ARHGAP15: variants seen among roughly 807,000 people sequenced by gnomAD.
ARHGAP15 encodes the protein rho GTPase-activating protein 15.
Under a neutral mutation model 63.7 loss-of-function variants are expected in ARHGAP15, and 51 were observed. That is an observed-to-expected ratio of 0.80 (90% confidence interval 0.64 to 1.01). The LOEUF is 1.01. Ranked by LOEUF, ARHGAP15 falls within the 50% of genes least tolerant of loss-of-function variation. The pLI is 0.00. For missense variants in ARHGAP15, 560 were observed against 564.6 expected (o/e 0.99, Z 0.08); for synonymous variants, 191 against 193.8 (o/e 0.99, Z 0.12).
chr2:143,160,830 G>A (rs546173576), intron 2 of ARHGAP15, among the ~76,000 whole-genome samples: 1 of 151,982 alleles, frequency 6.6e-6, no homozygotes, highest in Non-Finnish European at 1.5e-5. Context: ...AGCACAAATT[G>A]GACTTGCCAA....
At chr2:143,609,616 T>C (rs1319757757) in intron 11 of ARHGAP15, among the ~76,000 whole-genome samples, 1 of 152,116 alleles carries the variant, frequency 6.6e-6, no homozygotes. Flanking sequence ...AATATTTCTC[T>C]AGGCATTTGC....
intron 6 of ARHGAP15, among the ~76,000 whole-genome samples, chr2:143,405,362 G>T (rs1268881588): frequency 2.7e-5 from 4 of 146,138 alleles, no homozygotes; most frequent in Non-Finnish European, 4.5e-5. Context: ...TTATTTTTTT[G>T]ATTTCCCCTC....
intron 1 of ARHGAP15, among the ~76,000 whole-genome samples, chr2:143,148,096 C>T (rs182750162): frequency 4.2e-4 from 64 of 152,140 alleles, no homozygotes; most frequent in African/African-American, 1.5e-3. Flanking sequence ...TCCCACTTAG[C>T]CACCAACACT....
At chr2:143,465,097 C>T (rs888716759) in intron 8 of ARHGAP15, among the ~76,000 whole-genome samples, 3 of 152,154 alleles carry the variant, frequency 2.0e-5, no homozygotes, top group Admixed American at 2.0e-4. Flanking sequence ...TAACCCATTG[C>T]TATTTTCTTT....
intron 8 of ARHGAP15, among the ~76,000 whole-genome samples, chr2:143,441,416 G>A (rs1308987165): frequency 6.6e-6 from 1 of 152,106 alleles, no homozygotes; most frequent in Non-Finnish European, 1.5e-5. Flanking sequence ...AGAAAAGCAT[G>A]CCATTCAGAA....
At chr2:143,727,588 A>G (rs1685338589) in intron 13 of ARHGAP15, among the ~76,000 whole-genome samples, 1 of 152,208 alleles carries the variant, frequency 6.6e-6, no homozygotes, top group Non-Finnish European at 1.5e-5. Flanking sequence ...GGATGGCTAC[A>G]TAGATATACT....
At chr2:143,265,650 G>T (rs1306261058) in intron 6 of ARHGAP15, among the ~76,000 whole-genome samples, 1 of 152,068 alleles carries the variant, frequency 6.6e-6, no homozygotes, top group Non-Finnish European at 1.5e-5. Flanking sequence ...TTATTATTTT[G>T]GAGAGTTTTC....
At chr2:143,493,168 T>C (rs892585110) in intron 9 of ARHGAP15, among the ~76,000 whole-genome samples, 1 of 152,210 alleles carries the variant, frequency 6.6e-6, no homozygotes, top group African/African-American at 2.4e-5. Flanking sequence ...CCTGTACTTA[T>C]AATATCACAA....
chr2:143,391,085 G>A (rs1687518879), intron 6 of ARHGAP15, among the ~76,000 whole-genome samples: 1 of 152,156 alleles, frequency 6.6e-6, no homozygotes, highest in South Asian at 2.1e-4. Flanking sequence ...AGGTAAAGAA[G>A]GGCATAGAAA....
intron 11 of ARHGAP15, among the ~76,000 whole-genome samples, chr2:143,571,615 G>T (rs568981934): frequency 6.6e-6 from 1 of 152,214 alleles, no homozygotes; most frequent in East Asian, 1.9e-4. Flanking sequence ...ATAGCAGCAG[G>T]TATTGGTGGC....
At chr2:143,291,617 T>C (rs938787813) in intron 6 of ARHGAP15, among the ~76,000 whole-genome samples, 5 of 152,114 alleles carry the variant, frequency 3.3e-5, no homozygotes, top group African/African-American at 9.7e-5. Context: ...TGCTGGTAGA[T>C]GCCAGGCAAT....
chr2:143,341,367 A>G (rs1685050351), intron 6 of ARHGAP15, among the ~76,000 whole-genome samples: 1 of 152,180 alleles, frequency 6.6e-6, no homozygotes, highest in Non-Finnish European at 1.5e-5. Context: ...TTTCACTGAT[A>G]TAACAACTTT....
At chr2:143,261,353 A>G in intron 6 of ARHGAP15, among the ~76,000 whole-genome samples, 1 of 36,510 alleles carries the variant, frequency 2.7e-5, no homozygotes, top group African/African-American at 1.1e-4. Flanking sequence ...TTTTTTTTTG[A>G]GACGGAGTCT....
intron 9 of ARHGAP15, among the ~76,000 whole-genome samples, chr2:143,506,073 G>T (rs1460165153): frequency 6.6e-6 from 1 of 152,132 alleles, no homozygotes; most frequent in Non-Finnish European, 1.5e-5. Context: ...ATTGAACTAT[G>T]CATTCATGCA....
chr2:143,495,050 T>C (rs1470614066), intron 9 of ARHGAP15, among the ~76,000 whole-genome samples: 1 of 152,258 alleles, frequency 6.6e-6, no homozygotes, highest in Non-Finnish European at 1.5e-5. Context: ...ATTGACTTTC[T>C]TCTTTATGAA....
rs182304755 is a variant in ARHGAP15, at chr2:143,444,067, A to G, written c.703+7025A>G. 2.0e-3 allele frequency among the ~76,000 whole-genome samples: 306 copies of G among 152,200 alleles called. 2 individuals are homozygous for G. The highest frequency in any genetic ancestry group is 7.2e-3 in the African/African-American group (300 of 41,522). Reference sequence around the variant, plus strand: ...ATAGCATCAGCTACTCTGAAAGTCCACCTAACCCTCTCAGTGCTCAAGCAC... The same window carrying G: ...ATAGCATCAGCTACTCTGAAAGTCCGCCTAACCCTCTCAGTGCTCAAGCAC... On this transcript the variant is annotated intron_variant, in intron 8 of 13. Transcript: ENST00000295095.
chr2:143,419,646 A>G (rs567954896), intron 6 of ARHGAP15, among the ~76,000 whole-genome samples: 1 of 143,392 alleles, frequency 7.0e-6, no homozygotes, highest in South Asian at 2.3e-4. Flanking sequence ...TATGACCTAT[A>G]TATATATATA....
At chr2:143,148,260 C>G (rs1287521240) in intron 1 of ARHGAP15, among the ~76,000 whole-genome samples, 1 of 151,970 alleles carries the variant, frequency 6.6e-6, no homozygotes, top group East Asian at 1.9e-4. Flanking sequence ...ATCTCCAGTC[C>G]CATTCTCCAC....
chr2:143,272,526 G>A (rs548785429), intron 6 of ARHGAP15, among the ~76,000 whole-genome samples: 8 of 152,158 alleles, frequency 5.3e-5, no homozygotes, highest in South Asian at 2.1e-4. Context: ...AGTGGTGGGC[G>A]CCTGTAATCC....
Sources: gnomAD v4.1 joint callset for allele counts (sites outside exome capture counted in the v4.1 genomes callset) on GRCh38, gnomAD v4.1.1 for gene constraint, MANE v1.5 for transcripts, NCBI Gene and HGNC (gene_info 2026-07-23, HGNC 2026-07-21) for gene names.